RASAL2: variants seen among roughly 807,000 people sequenced by gnomAD.
RASAL2 encodes the protein ras GTPase-activating protein nGAP.
Under a neutral mutation model 128.9 loss-of-function variants are expected in RASAL2, and 58 were observed. The ratio of observed to expected loss-of-function variants is 0.45; its 90% CI spans 0.36 to 0.56. RASAL2 has a LOEUF of 0.56. Ranked by LOEUF, RASAL2 falls within the 20% of genes least tolerant of loss-of-function variation. RASAL2 has a pLI of 0.00. For synonymous variants in RASAL2, 561 were observed against 580.8 expected, an observed-to-expected ratio of 0.97 and a Z score of 0.49; for missense variants, 1,360 against 1,601.6, an observed-to-expected ratio of 0.85 and a Z score of 2.57.
Position 178,283,685 on chromosome 1 carries a change from G to A in RASAL2, c.324G>A (p.Glu108=). The A allele has an allele frequency of 6.2e-7, 1 of 1,613,584 alleles. No individual in the cohort carries two copies. The highest frequency in any genetic ancestry group is 8.5e-7 in the Non-Finnish European group (1 of 1,179,832). ...TDSQLVLLNK[E]KEIPVEGGQE... is the part of the protein sequence containing the mutation. ...GCCAGTTGGTATTGCTCAACAAGGAGAAGGAGGTGAGATGGATATTATTCA... is the reference window on the plus strand; with the variant it reads ...GCCAGTTGGTATTGCTCAACAAGGAAAAGGAGGTGAGATGGATATTATTCA... The change falls in exon 2 of 18, where the codon GAG becomes GAA. Residue 108 remains glutamate, a synonymous_variant. Coordinates refer to ENST00000367649, the MANE Select transcript of RASAL2 (RefSeq NM_170692.4).
chr1:178,228,969 G>A (rs1663892385), intron 1 of RASAL2, among the ~76,000 whole-genome samples: 1 of 152,080 alleles, frequency 6.6e-6, no homozygotes, highest in South Asian at 2.1e-4. Flanking sequence ...ATATTTACTT[G>A]CGTATTGTTT....
chr1:178,252,818 TC>T (rs1665117829), intron 1 of RASAL2, among the ~76,000 whole-genome samples: 1 of 152,194 alleles, frequency 6.6e-6, no homozygotes, highest in African/African-American at 2.4e-5. Flanking sequence ...TGTCACTAAA[TC>T]CAGTTCGTCA....
intron 9 of RASAL2, among the ~76,000 whole-genome samples, chr1:178,447,689 A>AAAAC (rs1572092652): frequency 6.7e-6 from 1 of 150,154 alleles, no homozygotes; most frequent in Non-Finnish European, 1.5e-5. Flanking sequence ...AAAAAAAAAA[A>AAAAC]AAAAAAAAAA....
At chr1:178,215,656 GT>G (rs1239474177) in intron 1 of RASAL2, among the ~76,000 whole-genome samples, 1 of 152,190 alleles carries the variant, frequency 6.6e-6, no homozygotes, top group East Asian at 1.9e-4. Flanking sequence ...CCTAAAGATA[GT>G]TTCTTCTCCC....
At chr1:178,348,112 A>G (rs764584986) in intron 3 of RASAL2, among the ~76,000 whole-genome samples, 1 of 152,204 alleles carries the variant, frequency 6.6e-6, no homozygotes, top group South Asian at 2.1e-4. Context: ...GGAAATCAGG[A>G]TAGTGATTAT....
intron 1 of RASAL2, among the ~76,000 whole-genome samples, chr1:178,184,829 A>G (rs925782800): frequency 6.6e-6 from 1 of 152,060 alleles, no homozygotes; most frequent in African/African-American, 2.4e-5. Flanking sequence ...AACTTTAGGG[A>G]TAATTTGTTA....
chr1:178,394,954 T>A (rs1004702010), intron 4 of RASAL2, among the ~76,000 whole-genome samples: 3 of 152,228 alleles, frequency 2.0e-5, no homozygotes, highest in Non-Finnish European at 4.4e-5. Flanking sequence ...AAAAGAAATG[T>A]GTCTTAAGTA....
chr1:178,299,998 G>A lies in RASAL2; in HGVS notation c.337G>A (p.Val113Met). The A allele has an allele frequency of 6.2e-7, 1 of 1,613,646 alleles. No homozygotes were observed. Among genetic ancestry groups the A allele is most frequent in the Non-Finnish European group, 8.5e-7 (1 of 1,179,860 alleles). Residue 113 changes from valine (V) to methionine (M), a missense_variant, in exon 3 of 18, where the codon GTG (valine) becomes ATG (methionine). Val to Met is a conservative substitution (Grantham distance 21, BLOSUM62 1). Coordinates refer to ENST00000367649, the MANE Select transcript of RASAL2 (RefSeq NM_170692.4). The part of the protein sequence containing the change: ...VLLNKEKEIP[V>M]EGGQEQQTDS... ...TTTGCTTTTGATTAACTAGATACCT[G>A]TGGAAGGGGGACAGGAGCAGCAGAC...
chr1:178,208,946 G>A (rs1465345312), intron 1 of RASAL2, among the ~76,000 whole-genome samples: 1 of 151,942 alleles, frequency 6.6e-6, no homozygotes. Flanking sequence ...GAAATATTGG[G>A]GGCAGGTTCC....
chr1:178,298,866 A>G (rs1213908205), intron 2 of RASAL2, among the ~76,000 whole-genome samples: 2 of 152,062 alleles, frequency 1.3e-5, no homozygotes, highest in African/African-American at 4.8e-5. Context: ...TAATTCTGAT[A>G]AAAGCTACTA....
intron 3 of RASAL2, among the ~76,000 whole-genome samples, chr1:178,382,288 T>G (rs1002001539): frequency 1.3e-5 from 2 of 152,318 alleles, no homozygotes; most frequent in South Asian, 4.1e-4. Context: ...CTTTTGTCCC[T>G]TGTTATTGTT....
chr1:178,405,506 C>T (rs1179951805), intron 4 of RASAL2, among the ~76,000 whole-genome samples: 1 of 152,160 alleles, frequency 6.6e-6, no homozygotes, highest in Non-Finnish European at 1.5e-5. Flanking sequence ...CCAGTCAGAT[C>T]ACGAGACTTT....
At chr1:178,356,156 G>A (rs1670795890) in intron 3 of RASAL2, among the ~76,000 whole-genome samples, 1 of 126,918 alleles carries the variant, frequency 7.9e-6, no homozygotes, top group African/African-American at 3.4e-5. Context: ...GGGTAACAGA[G>A]CAAGACTCTG....
At chr1:178,395,527 C>G (rs1417216633) in intron 4 of RASAL2, among the ~76,000 whole-genome samples, 1 of 152,048 alleles carries the variant, frequency 6.6e-6, no homozygotes, top group African/African-American at 2.4e-5. Flanking sequence ...TTACCTTTGA[C>G]CAGCCTAAGA....
At chr1:178,157,830 T>C (rs1026150933) in intron 1 of RASAL2, among the ~76,000 whole-genome samples, 2 of 152,180 alleles carry the variant, frequency 1.3e-5, no homozygotes, top group Admixed American at 6.5e-5. Flanking sequence ...TTATTATTGC[T>C]ACAAGGTTTG....
intron 9 of RASAL2, among the ~76,000 whole-genome samples, chr1:178,449,802 C>T (rs1177064846): frequency 6.6e-6 from 1 of 152,018 alleles, no homozygotes; most frequent in Non-Finnish European, 1.5e-5. Context: ...AATTAATTTA[C>T]TTCTGGGCCC....
intron 5 of RASAL2, among the ~76,000 whole-genome samples, chr1:178,421,133 A>G (rs1675116348): frequency 6.6e-6 from 1 of 152,066 alleles, no homozygotes; most frequent in Non-Finnish European, 1.5e-5. Context: ...CAAAAATGGT[A>G]TTTGAACTTG....
At chr1:178,285,524 C>G (rs1168833337) in intron 2 of RASAL2, among the ~76,000 whole-genome samples, 2 of 152,158 alleles carry the variant, frequency 1.3e-5, no homozygotes, top group Non-Finnish European at 2.9e-5. Context: ...TATCATCTCC[C>G]TACCTGTAAC....
At chr1:178,468,001 AAAG>A (rs1480484867) in intron 17 of RASAL2, among the ~76,000 whole-genome samples, 6 of 152,240 alleles carry the variant, frequency 3.9e-5, no homozygotes, top group Non-Finnish European at 7.3e-5. Flanking sequence ...AACTTTAAAA[AAAG>A]AAAAGGTTGT....
Sources: allele counts gnomAD v4.1 joint callset (sites outside exome capture counted in the v4.1 genomes callset), GRCh38; gene constraint gnomAD v4.1.1; transcripts MANE v1.5; gene names NCBI Gene and HGNC (gene_info 2026-07-23, HGNC 2026-07-21).